The following FGGY variants were observed in gnomAD, a reference collection of about 807,000 sequenced individuals.
FGGY encodes FGGY carbohydrate kinase domain containing, also known as FGGY carbohydrate kinase domain-containing protein.
A neutral mutation model predicts 71.3 loss-of-function variants in FGGY; 72 were observed. The ratio of observed to expected loss-of-function variants is 1.01; its 90% confidence interval spans 0.84 to 1.23. The LOEUF (loss-of-function observed/expected upper bound fraction) is 1.23, where lower values mean the gene tolerates loss of function less well. FGGY is among the 50% of genes most tolerant of loss of function. The pLI is 0.00. For missense variants in FGGY, 668 were observed against 682.3 expected (o/e 0.98, Z 0.23); for synonymous variants, 251 against 250.3 (o/e 1.00, Z -0.02).
At chr1:59,362,037 C>T (rs1332729293) in intron 4 of FGGY, among the ~76,000 whole-genome samples, 5 of 152,158 alleles carry the variant, frequency 3.3e-5, no homozygotes, top group Non-Finnish European at 5.9e-5. Flanking sequence ...GATTTCTGCC[C>T]TCCCTTCTCG....
rs201511043 is a variant in FGGY, at chr1:59,451,705, G to A, written c.555-5256G>A. Among the ~76,000 whole-genome samples the A allele has an allele frequency of 1.7e-4, 26 of 152,126 alleles. No homozygotes were observed. In the East Asian group the frequency reaches 4.8e-3, roughly 28 times the overall value. Reference sequence around the variant, plus strand: ...TATTGTCCTCAGACAGTGCTTATGAGTTTACTTTTTGAATCCTTGTGTGTT... The same window carrying A: ...TATTGTCCTCAGACAGTGCTTATGAATTTACTTTTTGAATCCTTGTGTGTT... On this transcript the variant is annotated intron_variant, in intron 5 of 15. Transcript: ENST00000303721.
At chr1:59,621,884 C>A (rs573597266) in intron 9 of FGGY, among the ~76,000 whole-genome samples, 77 of 151,312 alleles carry the variant, frequency 5.1e-4, no homozygotes, top group African/African-American at 1.7e-3. Context: ...TTGTTTGTTT[C>A]TTCTCCTTGC....
At chr1:59,627,550 A>C (rs2153846962) in intron 10 of FGGY, among the ~76,000 whole-genome samples, 2 of 150,148 alleles carry the variant, frequency 1.3e-5, no homozygotes, top group South Asian at 4.2e-4. Flanking sequence ...ATGTATATTC[A>C]TGCATGAATA....
intron 3 of FGGY, 78 bp from the exon 4 acceptor site, chr1:59,346,169 T>C: frequency 1.9e-6 from 3 of 1,547,442 alleles, no homozygotes; most frequent in Non-Finnish European, 2.7e-6. Context: ...ATTTTGATCT[T>C]GGGAATCCAT....
At chr1:59,705,163 TTATC>T (rs1448163685) in intron 14 of FGGY, among the ~76,000 whole-genome samples, 1 of 152,230 alleles carries the variant, frequency 6.6e-6, no homozygotes, top group Non-Finnish European at 1.5e-5. Context: ...TACCAATTCT[TTATC>T]TATCATTACA....
intron 5 of FGGY, among the ~76,000 whole-genome samples, chr1:59,406,074 G>GT (rs1210909210): frequency 6.6e-6 from 1 of 151,470 alleles, no homozygotes; most frequent in Admixed American, 6.6e-5. Flanking sequence ...AGGAACAAAT[G>GT]TTTTTTAAAA....
At chr1:59,591,044 C>T (rs200125904) in intron 8 of FGGY, among the ~76,000 whole-genome samples, 16,535 of 152,136 alleles carry the variant, frequency 0.11, 1,062 homozygotes, top group South Asian at 0.3. Flanking sequence ...AAAACCCCAT[C>T]GTCTCAGCCC....
intron 14 of FGGY, among the ~76,000 whole-genome samples, chr1:59,696,626 C>T (rs1016885209): frequency 6.6e-6 from 1 of 152,190 alleles, no homozygotes; most frequent in Non-Finnish European, 1.5e-5. Flanking sequence ...AGAGGCCTTT[C>T]AATTGTTTTC....
intron 6 of FGGY, among the ~76,000 whole-genome samples, chr1:59,487,787 C>T (rs1397596341): frequency 6.6e-6 from 1 of 152,142 alleles, no homozygotes; most frequent in Non-Finnish European, 1.5e-5. Context: ...ATGCTCTTCT[C>T]ACCGCTCCCA....
intron 4 of FGGY, among the ~76,000 whole-genome samples, chr1:59,357,535 TG>T (rs2054570207): frequency 6.6e-6 from 1 of 152,208 alleles, no homozygotes; most frequent in Non-Finnish European, 1.5e-5. Flanking sequence ...GGGCTTAAAC[TG>T]GAGCCAAATG....
At chr1:59,318,678 G>A (rs550429889) in intron 1 of FGGY, 1 of 152,414 alleles carries the variant, frequency 6.6e-6, no homozygotes, top group East Asian at 1.9e-4. Context: ...GCTGGCTGGA[G>A]TAGAGACAAG....
chr1:59,485,076 T>G (rs1480191159), intron 6 of FGGY, among the ~76,000 whole-genome samples: 4 of 152,186 alleles, frequency 2.6e-5, no homozygotes, highest in Admixed American at 2.0e-4. Flanking sequence ...TTGGAAAATG[T>G]CCTTTGATTT....
At chr1:59,364,013 CAGTT>C (rs2056114388) in intron 4 of FGGY, among the ~76,000 whole-genome samples, 1 of 152,156 alleles carries the variant, frequency 6.6e-6, no homozygotes, top group South Asian at 2.1e-4. Context: ...AAAGAAATGC[CAGTT>C]GAAACAGTAA....
At chr1:59,538,742 A>G (rs1239281715) in intron 7 of FGGY, among the ~76,000 whole-genome samples, 1 of 151,654 alleles carries the variant, frequency 6.6e-6, no homozygotes, top group Non-Finnish European at 1.5e-5. Context: ...AACTATAGCA[A>G]GAACAAAAAA....
chr1:59,417,104 G>A (rs11207445), intron 5 of FGGY, among the ~76,000 whole-genome samples: 26,188 of 152,082 alleles, frequency 0.17, 2,762 homozygotes, highest in East Asian at 0.36. Flanking sequence ...TCTCATATCC[G>A]TAGCAGTAAG....
chr1:59,723,834 A>G (rs545579148), intron 14 of FGGY, among the ~76,000 whole-genome samples: 17 of 152,346 alleles, frequency 1.1e-4, no homozygotes, highest in African/African-American at 3.8e-4. Context: ...ATATTCAATT[A>G]CAATATCATA....
intron 14 of FGGY, among the ~76,000 whole-genome samples, chr1:59,681,868 G>A (rs2097503659): frequency 6.6e-6 from 1 of 151,888 alleles, no homozygotes; most frequent in African/African-American, 2.4e-5. Context: ...GAGTGTGGAA[G>A]GTACAGTGTC....
chr1:59,652,359 G>A (rs2097171682), intron 11 of FGGY, among the ~76,000 whole-genome samples: 1 of 150,070 alleles, frequency 6.7e-6, no homozygotes, highest in African/African-American at 2.5e-5. Context: ...TTGCAACTTG[G>A]TTCCATTCTC....
intron 14 of FGGY, among the ~76,000 whole-genome samples, chr1:59,696,028 C>A (rs1439173564): frequency 1.3e-5 from 2 of 152,108 alleles, no homozygotes; most frequent in Non-Finnish European, 2.9e-5. Flanking sequence ...ATCTAAAAAT[C>A]ATGGAAGTTC....
Sources: gnomAD v4.1 joint callset for allele counts (sites outside exome capture counted in the v4.1 genomes callset) on GRCh38, gnomAD v4.1.1 for gene constraint, MANE v1.5 for transcripts, NCBI Gene and HGNC (gene_info 2026-07-23, HGNC 2026-07-21) for gene names.